The following COMMD10 variants were observed in gnomAD, a reference collection of about 807,000 sequenced individuals.
COMMD10 encodes the protein COMM domain-containing protein 10.
COMMD10 carries 33 observed loss-of-function variants against 28.9 expected under a neutral mutation model. The ratio of observed to expected loss-of-function variants is 1.14; its 90% CI spans 0.87 to 1.53. The LOEUF is 1.53. Among genes scored for constraint, COMMD10 ranks in the 40% most tolerant of loss-of-function variants. The pLI, the probability that COMMD10 is intolerant of heterozygous loss-of-function variation, is 0.00. For missense variants in COMMD10, 310 were observed against 233.4 expected, an observed-to-expected ratio of 1.33 and a Z score of -2.14; for synonymous variants, 110 against 81.7, an observed-to-expected ratio of 1.35 and a Z score of -1.87.
chr5:116,207,797 G>T (rs1486924662), intron 5 of COMMD10, among the ~76,000 whole-genome samples: 1 of 152,164 alleles, frequency 6.6e-6, no homozygotes, highest in Non-Finnish European at 1.5e-5. Flanking sequence ...GGGATTACAG[G>T]TGTGAGCCAC....
chr5:116,206,582 G>T (rs1748818867), intron 5 of COMMD10, among the ~76,000 whole-genome samples: 1 of 152,024 alleles, frequency 6.6e-6, no homozygotes. Context: ...AATCCGGGAG[G>T]CAGAGATTGC....
At chr5:116,085,209 G>T in intron 1 of COMMD10, 116 bp downstream of exon 1, 1 of 704,630 alleles carries the variant, frequency 1.4e-6, no homozygotes, top group Non-Finnish European at 2.4e-6. Flanking sequence ...CGGTTGAGTG[G>T]GGTGGGGTGG....
At chr5:116,200,974 G>C (rs988212902) in intron 5 of COMMD10, among the ~76,000 whole-genome samples, 2 of 152,090 alleles carry the variant, frequency 1.3e-5, no homozygotes, top group African/African-American at 2.4e-5. Flanking sequence ...GTTGTCCTAT[G>C]ATTAGGTATC....
At chr5:116,193,224 C>A (rs926157430) in intron 5 of COMMD10, among the ~76,000 whole-genome samples, 1 of 152,142 alleles carries the variant, frequency 6.6e-6, no homozygotes, top group Admixed American at 6.5e-5. Context: ...GAATAAATAG[C>A]ACAGGACCTA....
intron 5 of COMMD10, among the ~76,000 whole-genome samples, chr5:116,281,647 G>A (rs1751072080): frequency 6.6e-6 from 1 of 151,676 alleles, no homozygotes; most frequent in Non-Finnish European, 1.5e-5. Context: ...TCTATATTTA[G>A]TTAACAATAT....
intron 4 of COMMD10, among the ~76,000 whole-genome samples, chr5:116,124,142 T>C (rs1751534468): frequency 6.6e-6 from 1 of 152,174 alleles, no homozygotes; most frequent in African/African-American, 2.4e-5. Flanking sequence ...GCTTCTCTAG[T>C]TCCTTTAAAT....
intron 5 of COMMD10, among the ~76,000 whole-genome samples, chr5:116,203,232 G>T (rs185337580): frequency 2.6e-5 from 4 of 152,010 alleles, no homozygotes; most frequent in Admixed American, 2.0e-4. Flanking sequence ...AAGAAATATG[G>T]GACTATGTGA....
intron 3 of COMMD10, among the ~76,000 whole-genome samples, chr5:116,091,642 C>T (rs896992145): frequency 2.0e-5 from 3 of 152,128 alleles, no homozygotes; most frequent in African/African-American, 4.8e-5. Flanking sequence ...ACCCCTTATA[C>T]TTCCTTTATT....
intron 4 of COMMD10, among the ~76,000 whole-genome samples, chr5:116,113,850 A>G (rs1045926899): frequency 4.0e-5 from 6 of 151,838 alleles, no homozygotes; most frequent in Non-Finnish European, 5.9e-5. Context: ...TCATATTGCC[A>G]TGCGTTTTCA....
At chr5:116,135,765 A>T (rs373234730) in intron 5 of COMMD10, among the ~76,000 whole-genome samples, 135 of 152,322 alleles carry the variant, frequency 8.9e-4, no homozygotes, top group African/African-American at 3.0e-3. Context: ...AACAGTATAT[A>T]TTGGGTTTAG....
At chr5:116,230,230 G>C (rs766309759) in intron 5 of COMMD10, among the ~76,000 whole-genome samples, 2 of 151,886 alleles carry the variant, frequency 1.3e-5, no homozygotes, top group African/African-American at 4.8e-5. Context: ...TTTTGCTTTT[G>C]TTTTATTTTT....
intron 4 of COMMD10, among the ~76,000 whole-genome samples, chr5:116,104,078 G>A (rs1377945439): frequency 6.6e-6 from 1 of 152,194 alleles, no homozygotes; most frequent in Non-Finnish European, 1.5e-5. Flanking sequence ...AAGTCAGGTA[G>A]CATGATGCCT....
At chr5:116,286,951 T>C (rs1400324685) in intron 5 of COMMD10, among the ~76,000 whole-genome samples, 4 of 151,882 alleles carry the variant, frequency 2.6e-5, no homozygotes, top group African/African-American at 9.7e-5. Flanking sequence ...AGTGGAATAT[T>C]GAAGTCTCCT....
intron 5 of COMMD10, among the ~76,000 whole-genome samples, chr5:116,153,919 C>T (rs1015144481): frequency 6.6e-6 from 1 of 151,878 alleles, no homozygotes. Flanking sequence ...TGGGGCTTTA[C>T]GGGTGATGGA....
chr5:116,111,418 C>T (rs1304437171), intron 4 of COMMD10, among the ~76,000 whole-genome samples: 2 of 63,190 alleles, frequency 3.2e-5, no homozygotes, highest in Non-Finnish European at 1.2e-4. Flanking sequence ...CTGCAAAATT[C>T]CTTCTTAGCA....
intron 5 of COMMD10, among the ~76,000 whole-genome samples, chr5:116,137,495 G>A (rs1173052242): frequency 6.6e-6 from 1 of 151,958 alleles, no homozygotes; most frequent in Non-Finnish European, 1.5e-5. Flanking sequence ...TCATAAATGT[G>A]TATTTTATAG....
intron 4 of COMMD10, among the ~76,000 whole-genome samples, chr5:116,107,520 A>C (rs1750881232): frequency 6.6e-6 from 1 of 151,290 alleles, no homozygotes; most frequent in African/African-American, 2.4e-5. Context: ...TGTGTTTTTC[A>C]GCTCCAAGAG....
chr5:116,148,026 T>C (rs918567239), intron 5 of COMMD10, among the ~76,000 whole-genome samples: 1 of 151,872 alleles, frequency 6.6e-6, no homozygotes, highest in African/African-American at 2.4e-5. Flanking sequence ...GTTCCATTTC[T>C]TATTTCTTTT....
At chr5:116,180,274 A>T (rs1420614408) in intron 5 of COMMD10, among the ~76,000 whole-genome samples, 1 of 152,126 alleles carries the variant, frequency 6.6e-6, no homozygotes, top group Non-Finnish European at 1.5e-5. Flanking sequence ...GATGGATATG[A>T]TTTAATACAA....
Sources: allele counts gnomAD v4.1 joint callset (sites outside exome capture counted in the v4.1 genomes callset), GRCh38; gene constraint gnomAD v4.1.1; transcripts MANE v1.5; gene names NCBI Gene and HGNC (gene_info 2026-07-23, HGNC 2026-07-21).